The following ZHX3 variants were observed in gnomAD, a reference collection of about 807,000 sequenced individuals.
The protein encoded by ZHX3 is zinc fingers and homeoboxes 3.
Under a neutral mutation model 64.5 loss-of-function variants are expected in ZHX3, and 20 were observed. The observed-to-expected ratio is 0.31, with a 90% confidence interval of 0.22 to 0.45. ZHX3 has a LOEUF of 0.45. ZHX3 is among the 20% of genes least tolerant of loss of function. ZHX3 has a pLI of 1.00. For missense variants in ZHX3, 1,041 were observed against 1,195.8 expected, an observed-to-expected ratio of 0.87 and a Z score of 1.91; for synonymous variants, 423 against 461.6, an observed-to-expected ratio of 0.92 and a Z score of 1.07.
chr20:41,230,225 T>C (rs2040514755), intron 2 of ZHX3, among the ~76,000 whole-genome samples: 1 of 152,116 alleles, frequency 6.6e-6, no homozygotes, highest in Admixed American at 6.6e-5. Flanking sequence ...ATGTGGCCCA[T>C]AGGACACTTA....
chr20:41,303,083 T>C (rs1001165526), intron 1 of ZHX3, among the ~76,000 whole-genome samples: 8 of 152,240 alleles, frequency 5.3e-5, no homozygotes, highest in African/African-American at 1.9e-4. Context: ...CTTTCATCAA[T>C]ACTATTGTTA....
chr20:41,248,171 C>T (rs1023904314), intron 2 of ZHX3, among the ~76,000 whole-genome samples: 2 of 152,336 alleles, frequency 1.3e-5, no homozygotes, highest in African/African-American at 4.8e-5. Context: ...GAATACTCTT[C>T]TCATCCATTT....
intron 1 of ZHX3, chr20:41,269,493 C>T (rs6102334): frequency 0.58 from 88,278 of 151,850 alleles, 27,062 homozygotes; most frequent in East Asian, 0.82. Flanking sequence ...ATTCTAGAGG[C>T]ACAAAAATGG....
In ZHX3 at chr20:41,204,784, C is replaced by T. The variant is rs547715024; in HGVS notation, c.133G>A (p.Ala45Thr). ...EGPQQDLPPEASAASSEAAQN... is the reference protein window; with the variant it reads ...EGPQQDLPPETSAASSEAAQN... ...GCTGCCTCACTGCTGGCAGCAGATG[C>T]TTCTGGGGGCAGATCCTGCTGGGGT... is the stretch of plus-strand genomic sequence containing the variant. Residue 45 changes from alanine to threonine, a missense_variant, in exon 3 of 4, where the codon GCA becomes ACA. By Grantham distance (58) the Ala-to-Thr change is moderately conservative. Coordinates refer to ENST00000683867, the MANE Select transcript of ZHX3 (RefSeq NM_001384317.1). The surrounding 1 kb of genome is among the most constrained non-coding windows in gnomAD (Gnocchi z 6.6). The T allele has an allele frequency of 6.2e-7, 1 of 1,613,826 alleles. No homozygotes were observed. Among genetic ancestry groups the T allele is most frequent in the African/African-American group, 1.3e-5 (1 of 75,062 alleles).
rs76688242 is a variant in ZHX3 at position 41,289,307 on chromosome 20, T to C, written c.-244-20224A>G. Among the ~76,000 whole-genome samples the C allele has an allele frequency of 7.2e-3, 1,100 of 152,242 alleles. 21 individuals are homozygous for C. The highest frequency in any genetic ancestry group is 7.8e-3 in the Non-Finnish European group (529 of 68,006). On this transcript the variant is annotated intron_variant, in intron 1 of 3. Coordinates refer to ENST00000683867, the MANE Select transcript of ZHX3 (RefSeq NM_001384317.1). ...TGAGCCACAGCACTCAGCACAAATA[T>C]TCTTGAATATATAACCATTTTCAAT...
intron 3 of ZHX3, among the ~76,000 whole-genome samples, chr20:41,190,560 A>C (rs2036930528): frequency 1.3e-5 from 2 of 151,822 alleles, no homozygotes; most frequent in Admixed American, 1.3e-4. Flanking sequence ...TTTGTTTGGC[A>C]TTGTACTCTG....
In ZHX3 at chr20:41,202,353, A is replaced by C; in HGVS notation, c.2564T>G (p.Met855Arg). ...CTCTTCATACAGCATCTTGTGTGTCATGTAATAGTCCTGCAGGAGCTCCCG... is the reference window on the plus strand; with the variant it reads ...CTCTTCATACAGCATCTTGTGTGTCCTGTAATAGTCCTGCAGGAGCTCCCG... ...GNRELLQDYY[M>R]THKMLYEEDL... Residue 855 changes from methionine (M) to arginine (R), a missense_variant, in exon 3 of 4, where the codon ATG becomes AGG. Around this residue, in one of 4 missense-constraint regions of ZHX3, gnomAD observed 649 missense variants for 739.8 expected, o/e 0.88. Transcript: ENST00000683867. This position sits in a 1 kb window ranked among gnomAD's most constrained non-coding sequence, Gnocchi z 7.0. The C allele has an allele frequency of 6.2e-7, 1 of 1,614,154 alleles. No individual in the cohort carries two copies. The highest frequency in any genetic ancestry group is 8.5e-7 in the Non-Finnish European group (1 of 1,180,016).
intron 2 of ZHX3, among the ~76,000 whole-genome samples, chr20:41,253,303 G>A (rs572379011): frequency 2.5e-4 from 37 of 150,680 alleles, no homozygotes; most frequent in African/African-American, 8.5e-4. Flanking sequence ...CTTATTAGCT[G>A]CATAGCTTTG....
Position 41,195,838 on chromosome 20 carries a change from C to T in ZHX3, c.2860+6219G>A, listed in dbSNP as rs1051393414. On this transcript the variant is annotated intron_variant, in intron 3 of 3. Coordinates refer to ENST00000683867, the MANE Select transcript of ZHX3 (RefSeq NM_001384317.1). This position sits in a 1 kb window ranked among gnomAD's most constrained non-coding sequence, Gnocchi z 4.2. ...TGTCTCAAGGTATTTTTTACTTTCC[C>T]TTATGATTTCTTTGACCCATTAGTT... Among the ~76,000 whole-genome samples the T allele has an allele frequency of 2.0e-5, 3 of 152,124 alleles. No homozygotes were observed. Among genetic ancestry groups the T allele is most frequent in the Non-Finnish European group, 2.9e-5 (2 of 68,034 alleles).
chr20:41,209,034 C>T (rs555541194), intron 2 of ZHX3, among the ~76,000 whole-genome samples: 29 of 150,936 alleles, frequency 1.9e-4, no homozygotes, highest in Non-Finnish European at 2.7e-4. Flanking sequence ...ACAAGCATTC[C>T]AATACACCAA....
chr20:41,246,919 A>G (rs2041725534), intron 2 of ZHX3, among the ~76,000 whole-genome samples: 2 of 151,800 alleles, frequency 1.3e-5, no homozygotes, highest in Admixed American at 6.6e-5. Context: ...AAAAACTAAT[A>G]TCTAAATATT....
rs991331092 is a variant in ZHX3, at chr20:41,304,457, A to G, written c.-245+13052T>C. On this transcript the variant is annotated intron_variant, in intron 1 of 3. Coordinates refer to ENST00000683867, the MANE Select transcript of ZHX3 (RefSeq NM_001384317.1). ...TCAAACTCAACATGGCTAAAACCAC[A>G]GCAAGCATCTTGTTTACCATGCTTA... 2.6e-5 allele frequency among the ~76,000 whole-genome samples: 4 copies of G among 152,196 alleles called. No homozygotes were observed. The East Asian group carries it at 5.8e-4, about 22-fold the overall frequency.
At chr20:41,288,643 G>A (rs572118192) in intron 1 of ZHX3, among the ~76,000 whole-genome samples, 13 of 152,208 alleles carry the variant, frequency 8.5e-5, no homozygotes, top group African/African-American at 3.1e-4. Context: ...AAAATTTTAT[G>A]ACAAATAGGG....
intron 1 of ZHX3, among the ~76,000 whole-genome samples, chr20:41,271,658 G>C (rs919619039): frequency 6.6e-6 from 1 of 152,082 alleles, no homozygotes; most frequent in African/African-American, 2.4e-5. Context: ...TAAAAAAAAA[G>C]CTTCATAATA....
At chr20:41,312,047 TG>T (rs2045152699) in intron 1 of ZHX3, among the ~76,000 whole-genome samples, 1 of 152,144 alleles carries the variant, frequency 6.6e-6, no homozygotes, top group South Asian at 2.1e-4. Flanking sequence ...AACATATAAA[TG>T]AAGTGCTATT....
At chr20:41,267,478 C>T (rs2042920110) in intron 2 of ZHX3, 1 of 152,178 alleles carries the variant, frequency 6.6e-6, no homozygotes, top group East Asian at 1.9e-4. Flanking sequence ...ATCTATTGTC[C>T]AGCACTGGTT....
intron 1 of ZHX3, among the ~76,000 whole-genome samples, chr20:41,273,511 AT>A (rs1216568567): frequency 1.3e-5 from 2 of 152,020 alleles, no homozygotes; most frequent in Non-Finnish European, 2.9e-5. Flanking sequence ...ATAATTAGTT[AT>A]TTGGTCCATT....
At chr20:41,255,067 A>C (rs1482865558) in intron 2 of ZHX3, among the ~76,000 whole-genome samples, 2 of 152,146 alleles carry the variant, frequency 1.3e-5, no homozygotes, top group Non-Finnish European at 2.9e-5. Context: ...TGGTATAGCC[A>C]CCCTACTAGA....
chr20:41,219,231 C>A lies in ZHX3; in HGVS notation c.-150-14165G>T, dbSNP rs1357565716. ...AGCGTCAGCCACCGCACCTGGCCTT[C>A]CCCCTCAACTCTTATTTTTGTCTAA... is the stretch of plus-strand genomic sequence containing the variant. On this transcript the variant is annotated intron_variant, in intron 2 of 3. Coordinates refer to ENST00000683867, the MANE Select transcript of ZHX3 (RefSeq NM_001384317.1). The surrounding 1 kb of genome is among the most constrained non-coding windows in gnomAD (Gnocchi z 5.0). Among the ~76,000 whole-genome samples, 1 of 152,094 alleles carries A rather than the reference C, an allele frequency of 6.6e-6. No homozygotes were observed. Among genetic ancestry groups the A allele is most frequent in the African/African-American group, 2.4e-5 (1 of 41,428 alleles).
Sources: gnomAD v4.1 joint callset for allele counts (sites outside exome capture counted in the v4.1 genomes callset) on GRCh38, gnomAD v4.1.1 for gene constraint, gnomAD v4.1.1 regional missense constraint, Gnocchi (gnomAD v3.1) non-coding constraint, MANE v1.5 for transcripts, NCBI Gene and HGNC (gene_info 2026-07-23, HGNC 2026-07-21) for gene names.